DOCK10: variants seen among roughly 807,000 people sequenced by gnomAD.
DOCK10 encodes dedicator of cytokinesis protein 10.
Under a neutral mutation model 280.1 loss-of-function variants are expected in DOCK10, and 145 were observed. The observed-to-expected ratio is 0.52, with a 90% CI of 0.45 to 0.59. The LOEUF (loss-of-function observed/expected upper bound fraction) is 0.59, where lower values mean the gene tolerates loss of function less well. Among genes scored for constraint, DOCK10 ranks in the 20% least tolerant of loss-of-function variants. DOCK10 has a pLI of 0.00. For synonymous variants in DOCK10, 915 were observed against 942.2 expected, an observed-to-expected ratio of 0.97 and a Z score of 0.53; for missense variants, 2,368 against 2,651.7, an observed-to-expected ratio of 0.89 and a Z score of 2.35.
At chr2:224,907,673 G>T (rs1700735131) in intron 3 of DOCK10, among the ~76,000 whole-genome samples, 1 of 130,498 alleles carries the variant, frequency 7.7e-6, no homozygotes, top group Non-Finnish European at 1.6e-5. Context: ...GGGCGACAGA[G>T]CGAGACTCCA....
At chr2:224,982,559 G>C (rs1250982561) in intron 1 of DOCK10, 2 of 1,204,256 alleles carry the variant, frequency 1.7e-6, no homozygotes, top group East Asian at 6.6e-5. Context: ...TTGATCCACG[G>C]AAACTGAACA....
In DOCK10 at chr2:224,896,302, G is replaced by C; in HGVS notation, c.409C>G (p.Leu137Val). The part of the protein sequence containing the change: ...YEQYSGDIRQ[L>V]PRAEYKPEKL... ...CTCATAACAGGTTCTTACCGGGGTA[G>C]CTGTCGAATGTCTCCAGAATATTGT... is the stretch of plus-strand genomic sequence containing the variant. Residue 137 changes from leucine to valine, a missense_variant, in exon 4 of 56, where the codon CTA becomes GTA. Around this residue, in one of 2 missense-constraint regions of DOCK10, gnomAD observed 1,209 missense variants for 1,250.9 expected, o/e 0.97. Transcript: ENST00000258390. The C allele has an allele frequency of 6.3e-7, 1 of 1,591,438 alleles. No individual in the cohort carries two copies. The highest frequency in any genetic ancestry group is 8.6e-7 in the Non-Finnish European group (1 of 1,162,816).
In DOCK10 at chr2:224,778,133, T is replaced by C; in HGVS notation, c.5802+5A>G. On this transcript the variant is annotated splice_donor_5th_base_variant and intron_variant, in intron 51 of 55. Transcript: ENST00000258390. Reference sequence around the variant, plus strand: ...GCACTTGCATGAATACTGATTTTCCTCTACCTTGTTGGAATCCTGGATTAT... The same window carrying C: ...GCACTTGCATGAATACTGATTTTCCCCTACCTTGTTGGAATCCTGGATTAT... 6.2e-7 allele frequency: 1 copy of C among 1,612,582 alleles called. No homozygotes were observed. The highest frequency in any genetic ancestry group is 8.5e-7 in the Non-Finnish European group (1 of 1,179,080).
intron 1 of DOCK10, among the ~76,000 whole-genome samples, chr2:224,934,073 T>C (rs1017202320): frequency 6.6e-6 from 1 of 152,156 alleles, no homozygotes; most frequent in African/African-American, 2.4e-5. Context: ...CTAACTTGCC[T>C]TGATATACCC....
intron 50 of DOCK10, among the ~76,000 whole-genome samples, chr2:224,782,996 A>G (rs938687672): frequency 2.0e-5 from 3 of 152,138 alleles, no homozygotes; most frequent in Non-Finnish European, 2.9e-5. Flanking sequence ...GCTCAAGTCT[A>G]CTTGGTATTT....
At chr2:224,993,218 T>TTTTTTTTTTTTTG (rs1309104295) in intron 1 of DOCK10, among the ~76,000 whole-genome samples, 3 of 151,794 alleles carry the variant, frequency 2.0e-5, no homozygotes, top group African/African-American at 4.8e-5. Context: ...TTTTTTTTTT[T>TTTTTTTTTTTTTG]GCTGTCCAAC....
At chr2:224,847,863 A>G (rs574822030) in intron 19 of DOCK10, among the ~76,000 whole-genome samples, 1 of 152,318 alleles carries the variant, frequency 6.6e-6, no homozygotes, top group East Asian at 1.9e-4. Context: ...GATGTCCTGA[A>G]TGTTCTAATC....
chr2:224,923,700 A>G (rs906198332), intron 2 of DOCK10, among the ~76,000 whole-genome samples: 3 of 152,222 alleles, frequency 2.0e-5, no homozygotes, highest in Admixed American at 2.0e-4. Context: ...GGCCAGCCTC[A>G]TTCCTGCACA....
At chr2:224,795,501 T>C (rs763377518) in intron 44 of DOCK10, among the ~76,000 whole-genome samples, 3 of 152,206 alleles carry the variant, frequency 2.0e-5, no homozygotes, top group Non-Finnish European at 2.9e-5. Context: ...ATAAGCATAT[T>C]ATTTAAGCTT....
chr2:224,874,884 T>C, intron 8 of DOCK10, 133 bp from the exon 9 acceptor site: 2 of 725,376 alleles, frequency 2.8e-6, no homozygotes, highest in Non-Finnish European at 4.8e-6. Flanking sequence ...TTTCATTGTG[T>C]TCTGACTCCT....
Position 224,895,688 on chromosome 2 carries a change from T to A in DOCK10, c.416+607A>T, listed in dbSNP as rs535883933. Among the ~76,000 whole-genome samples, 17 of 152,278 alleles carry A rather than the reference T, an allele frequency of 1.1e-4. No homozygotes were observed. The South Asian group carries it at 3.5e-3, about 32-fold the overall frequency. On this transcript the variant is annotated intron_variant, in intron 4 of 55. Coordinates refer to ENST00000258390, the MANE Select transcript of DOCK10 (RefSeq NM_014689.3). ...GACACTGAATTAATTTCTATTTTTGTTCAGGTAGTCAGGTGAGCTTTTCTG... is the reference window on the plus strand; with the variant it reads ...GACACTGAATTAATTTCTATTTTTGATCAGGTAGTCAGGTGAGCTTTTCTG...
At chr2:225,002,557 A>G (rs547303047) in intron 1 of DOCK10, among the ~76,000 whole-genome samples, 8 of 152,286 alleles carry the variant, frequency 5.3e-5, no homozygotes, top group Admixed American at 4.6e-4. Context: ...GCTCTCTTTA[A>G]CTGTTAACTG....
chr2:224,845,464 A>G (rs1696274515), intron 20 of DOCK10, 55 bp downstream of exon 20: 1 of 1,585,042 alleles, frequency 6.3e-7, no homozygotes, highest in African/African-American at 1.4e-5. Context: ...ACACTCTCCA[A>G]ACCAATTCAA....
chr2:224,857,468 A>T (rs1393209490), intron 14 of DOCK10, among the ~76,000 whole-genome samples: 3 of 152,214 alleles, frequency 2.0e-5, no homozygotes, highest in Non-Finnish European at 4.4e-5. Context: ...AAATGTGCCC[A>T]TGTCCTAACT....
At chr2:224,835,250 T>A (rs11891018) in intron 25 of DOCK10, among the ~76,000 whole-genome samples, 59,212 of 152,162 alleles carry the variant, frequency 0.39, 13,917 homozygotes, top group African/African-American at 0.66. Flanking sequence ...ACCTCAGATG[T>A]GAGTAACGTC....
At chr2:224,931,816 G>T in intron 1 of DOCK10, 148 bp from the exon 2 acceptor site, 2 of 810,534 alleles carry the variant, frequency 2.5e-6, no homozygotes, top group Non-Finnish European at 3.6e-6. Context: ...GGAATTTAGG[G>T]CAAAGCCACA....
intron 1 of DOCK10, among the ~76,000 whole-genome samples, chr2:224,989,909 C>G (rs532271528): frequency 1.3e-5 from 2 of 152,224 alleles, no homozygotes; most frequent in Admixed American, 1.3e-4. Flanking sequence ...TTCTAGAGAC[C>G]TTTTCCTTCG....
intron 1 of DOCK10, among the ~76,000 whole-genome samples, chr2:225,025,043 C>A (rs1251716686): frequency 1.3e-5 from 2 of 152,074 alleles, no homozygotes; most frequent in East Asian, 3.9e-4. Context: ...TATTTGTATT[C>A]TTTAAGGAGT....
intron 1 of DOCK10, among the ~76,000 whole-genome samples, chr2:224,946,130 A>G (rs1575099210): frequency 6.6e-6 from 1 of 152,358 alleles, no homozygotes; most frequent in Admixed American, 6.5e-5. Context: ...TGCTCTAACA[A>G]TCAGCTCTGA....
Sources: gnomAD v4.1 joint callset for allele counts (sites outside exome capture counted in the v4.1 genomes callset) on GRCh38, gnomAD v4.1.1 for gene constraint, gnomAD v4.1.1 regional missense constraint, MANE v1.5 for transcripts, NCBI Gene and HGNC (gene_info 2026-07-23, HGNC 2026-07-21) for gene names.